The following SLC9A9 variants were observed in gnomAD, a reference collection of about 807,000 sequenced individuals.
SLC9A9 encodes sodium/hydrogen exchanger 9.
A neutral mutation model predicts 77.8 loss-of-function variants in SLC9A9; 62 were observed. That is an observed-to-expected ratio of 0.80 (90% CI 0.65 to 0.98). The LOEUF (loss-of-function observed/expected upper bound fraction) is 0.98, where lower values mean the gene tolerates loss of function less well. Ranked by LOEUF, SLC9A9 falls within the 50% of genes least tolerant of loss-of-function variation. The pLI, the probability that SLC9A9 is intolerant of heterozygous loss-of-function variation, is 0.00. For synonymous variants in SLC9A9, 320 were observed against 283.5 expected (o/e 1.13, Z -1.29); for missense variants, 775 against 774.9 (o/e 1.00, Z 0.00).
At chr3:143,491,063 A>G (rs1296912545) in intron 11 of SLC9A9, among the ~76,000 whole-genome samples, 1 of 152,218 alleles carries the variant, frequency 6.6e-6, no homozygotes, top group African/African-American at 2.4e-5. Flanking sequence ...CCTCGGCCCA[A>G]GATGATTGTG....
intron 5 of SLC9A9, among the ~76,000 whole-genome samples, chr3:143,676,137 C>T (rs1164661905): frequency 2.6e-5 from 4 of 152,166 alleles, no homozygotes; most frequent in Admixed American, 2.6e-4. Flanking sequence ...CTATGACAAT[C>T]TAATGCTGCC....
chr3:143,331,134 A>G (rs1413755488), intron 14 of SLC9A9, among the ~76,000 whole-genome samples: 1 of 152,158 alleles, frequency 6.6e-6, no homozygotes. Flanking sequence ...ACATTAACTG[A>G]TTAGAGACAA....
At chr3:143,479,312 T>G (rs1235831155) in intron 11 of SLC9A9, among the ~76,000 whole-genome samples, 2 of 152,070 alleles carry the variant, frequency 1.3e-5, no homozygotes, top group Admixed American at 6.5e-5. Context: ...CAGTGTGTGA[T>G]CATAGTTCAC....
At position 143,339,265 on chromosome 3, in the gene SLC9A9, C is replaced by T. The variant is rs2032019958; in HGVS notation, c.1604+24219G>A. On this transcript the variant is annotated intron_variant, in intron 14 of 15. Transcript: ENST00000316549. Reference sequence around the variant, plus strand: ...TTCCTCCTGGTGTGGAGGTTCATCGCATGGCCCCTTGGACAGGGCCCCTGA... The same window carrying T: ...TTCCTCCTGGTGTGGAGGTTCATCGTATGGCCCCTTGGACAGGGCCCCTGA... Among the ~76,000 whole-genome samples, 3 of 152,302 alleles carry T rather than the reference C, an allele frequency of 2.0e-5. No homozygotes were observed. In the South Asian group the frequency reaches 6.2e-4, roughly 32 times the overall value.
chr3:143,452,132 G>C (rs918052734), intron 12 of SLC9A9, among the ~76,000 whole-genome samples: 5 of 152,004 alleles, frequency 3.3e-5, no homozygotes, highest in Admixed American at 3.3e-4. Context: ...GTTAGAAACA[G>C]GATATTTATA....
chr3:143,288,719 T>C (rs541577675), intron 14 of SLC9A9, among the ~76,000 whole-genome samples: 1 of 152,200 alleles, frequency 6.6e-6, no homozygotes, highest in South Asian at 2.1e-4. Context: ...TTGGAAAGAG[T>C]AGGATCATTA....
At chr3:143,288,427 CT>C (rs2108414558) in intron 14 of SLC9A9, among the ~76,000 whole-genome samples, 1 of 152,286 alleles carries the variant, frequency 6.6e-6, no homozygotes. Context: ...GCCCTTGGCC[CT>C]GGATCACTTT....
chr3:143,266,625 A>G lies in SLC9A9; in HGVS notation c.*77T>C. On this transcript the variant is annotated 3_prime_UTR_variant, in exon 16 of 16. Transcript: ENST00000316549. ...ATATGTTTTCCAGCCTCTCCCCTGT[A>G]CTGCCTCATCAGCTTGGCTTGTATT... 6.9e-7 allele frequency: 1 copy of G among 1,442,720 alleles called. No homozygotes were observed. Among genetic ancestry groups the G allele is most frequent in the Non-Finnish European group, 9.7e-7 (1 of 1,029,554 alleles). The allele number at this position is 1,442,720 out of a possible 1,614,324, so 89.4% of individuals were successfully genotyped here.
chr3:143,350,721 T>C (rs1056761003), intron 14 of SLC9A9, among the ~76,000 whole-genome samples: 1 of 152,154 alleles, frequency 6.6e-6, no homozygotes, highest in African/African-American at 2.4e-5. Context: ...TCTTACAGAT[T>C]AGAAAATAGT....
At chr3:143,687,565 C>T (rs1231465362) in intron 5 of SLC9A9, among the ~76,000 whole-genome samples, 1 of 152,024 alleles carries the variant, frequency 6.6e-6, no homozygotes, top group Non-Finnish European at 1.5e-5. Flanking sequence ...AGGTTGGAAC[C>T]TCAGAATATA....
intron 12 of SLC9A9, among the ~76,000 whole-genome samples, chr3:143,414,581 C>T (rs926072675): frequency 6.6e-6 from 1 of 152,156 alleles, no homozygotes; most frequent in African/African-American, 2.4e-5. Flanking sequence ...TTTGATGTTA[C>T]TGTTTTGTAA....
At chr3:143,652,782 C>CAG (rs2038820645) in intron 5 of SLC9A9, among the ~76,000 whole-genome samples, 1 of 129,318 alleles carries the variant, frequency 7.7e-6, no homozygotes, top group Non-Finnish European at 1.7e-5. Flanking sequence ...CTTAAATACA[C>CAG]ACACACACAC....
At chr3:143,287,414 A>C (rs1938414041) in intron 14 of SLC9A9, among the ~76,000 whole-genome samples, 1 of 152,098 alleles carries the variant, frequency 6.6e-6, no homozygotes, top group South Asian at 2.1e-4. Flanking sequence ...AACAACAACC[A>C]AATTCCTTTA....
At chr3:143,505,740 T>C (rs187320145) in intron 9 of SLC9A9, among the ~76,000 whole-genome samples, 7 of 152,312 alleles carry the variant, frequency 4.6e-5, no homozygotes, top group African/African-American at 1.7e-4. Context: ...TTTAGGAAGA[T>C]GAATAGGCAT....
At chr3:143,836,377 G>C (rs1451137954) in intron 1 of SLC9A9, among the ~76,000 whole-genome samples, 2 of 152,058 alleles carry the variant, frequency 1.3e-5, no homozygotes, top group East Asian at 3.9e-4. Flanking sequence ...AATCACTTTG[G>C]GCAGAATTGT....
At chr3:143,618,373 G>T (rs2038142969) in intron 6 of SLC9A9, among the ~76,000 whole-genome samples, 1 of 152,162 alleles carries the variant, frequency 6.6e-6, no homozygotes, top group South Asian at 2.1e-4. Flanking sequence ...CGATGCCAAT[G>T]GTCAGAGCCT....
rs934646484 is a variant in SLC9A9 at position 143,665,646 on chromosome 3, G to A, written c.650-13286C>T. Among the ~76,000 whole-genome samples the A allele has an allele frequency of 2.4e-4, 36 of 151,872 alleles. No individual in the cohort carries two copies. In the Middle Eastern group the frequency reaches 0.01, roughly 43 times the overall value. ...TAGACACAATAAAAAATGATAAAGG[G>A]GATATCACCACCAATCCCACAGAAA... is the stretch of plus-strand genomic sequence containing the variant. On this transcript the variant is annotated intron_variant, in intron 5 of 15. Coordinates refer to ENST00000316549, the MANE Select transcript of SLC9A9 (RefSeq NM_173653.4).
intron 2 of SLC9A9, among the ~76,000 whole-genome samples, chr3:143,820,369 T>C (rs2009135218): frequency 6.6e-6 from 1 of 152,190 alleles, no homozygotes; most frequent in Non-Finnish European, 1.5e-5. Flanking sequence ...AAACCACCAA[T>C]GGCTAGAAAC....
At chr3:143,621,429 C>T (rs556556013) in intron 6 of SLC9A9, among the ~76,000 whole-genome samples, 8 of 152,328 alleles carry the variant, frequency 5.3e-5, no homozygotes, top group African/African-American at 1.4e-4. Flanking sequence ...TCCAGAGGAA[C>T]GATCAGGCAG....
Sources: allele counts gnomAD v4.1 joint callset (sites outside exome capture counted in the v4.1 genomes callset), GRCh38; gene constraint gnomAD v4.1.1; transcripts MANE v1.5; gene names NCBI Gene and HGNC (gene_info 2026-07-23, HGNC 2026-07-21).